Variants in PTPRG observed in about 807,000 individuals in gnomAD.
PTPRG encodes protein tyrosine phosphatase receptor type G.
A neutral mutation model predicts 165.3 loss-of-function variants in PTPRG; 102 were observed. The ratio of observed to expected loss-of-function variants is 0.62; its 90% CI spans 0.53 to 0.73. PTPRG has a LOEUF of 0.73. Among genes scored for constraint, PTPRG ranks in the 30% least tolerant of loss-of-function variants. The pLI is 0.00. For synonymous variants in PTPRG, 675 were observed against 669.5 expected, an observed-to-expected ratio of 1.01 and a Z score of -0.13; for missense variants, 1,866 against 1,861.4, an observed-to-expected ratio of 1.00 and a Z score of -0.05.
intron 5 of PTPRG, among the ~76,000 whole-genome samples, chr3:62,113,139 A>G (rs1354846999): frequency 1.3e-5 from 2 of 152,198 alleles, no homozygotes; most frequent in Admixed American, 6.5e-5. Flanking sequence ...GGATGAGGCC[A>G]GGCTCCCAGA....
At chr3:61,647,599 G>A (rs1169811914) in intron 1 of PTPRG, among the ~76,000 whole-genome samples, 1 of 151,966 alleles carries the variant, frequency 6.6e-6, no homozygotes, top group Non-Finnish European at 1.5e-5. Flanking sequence ...GACCATCCTG[G>A]CTAACACAGT....
chr3:61,866,284 T>C (rs2037405599), intron 2 of PTPRG, among the ~76,000 whole-genome samples: 1 of 152,180 alleles, frequency 6.6e-6, no homozygotes, highest in South Asian at 2.1e-4. Flanking sequence ...CTGATACAGA[T>C]GATTTCATTT....
intron 2 of PTPRG, among the ~76,000 whole-genome samples, chr3:61,882,124 T>G (rs1175286351): frequency 3.3e-5 from 5 of 152,212 alleles, no homozygotes; most frequent in Non-Finnish European, 4.4e-5. Flanking sequence ...TTTCATCTTC[T>G]GAGAACAAAA....
At chr3:61,888,682 G>T (rs574155697) in intron 2 of PTPRG, among the ~76,000 whole-genome samples, 1 of 152,308 alleles carries the variant, frequency 6.6e-6, no homozygotes, top group South Asian at 2.1e-4. Context: ...GAATTGAGGA[G>T]TTCAGTGTTG....
intron 2 of PTPRG, among the ~76,000 whole-genome samples, chr3:61,904,910 C>CT (rs5849449): frequency 0.13 from 19,711 of 146,290 alleles, 1,819 homozygotes; most frequent in East Asian, 0.53. Context: ...ATTGGAAAGC[C>CT]TTTTTTTTTT....
chr3:61,569,354 A>G (rs546537986), intron 1 of PTPRG, among the ~76,000 whole-genome samples: 1 of 152,116 alleles, frequency 6.6e-6, no homozygotes, highest in Admixed American at 6.5e-5. Flanking sequence ...TCCTCTGTGA[A>G]ATGGGGTGGT....
intron 2 of PTPRG, among the ~76,000 whole-genome samples, chr3:61,946,939 A>G (rs767004075): frequency 2.6e-5 from 4 of 152,220 alleles, no homozygotes; most frequent in African/African-American, 4.8e-5. Flanking sequence ...GAGAAATGAC[A>G]GCTCTTATTA....
chr3:62,157,609 T>C (rs1704588804), intron 7 of PTPRG, among the ~76,000 whole-genome samples: 1 of 152,202 alleles, frequency 6.6e-6, no homozygotes, highest in Non-Finnish European at 1.5e-5. Flanking sequence ...TAGATGCTAT[T>C]TGTACCCCCA....
At chr3:62,110,089 C>CTTTTTTTTTTTTTTTTT (rs371457716) in intron 5 of PTPRG, among the ~76,000 whole-genome samples, 5 of 79,962 alleles carry the variant, frequency 6.3e-5, no homozygotes, top group Non-Finnish European at 9.1e-5. Flanking sequence ...GAAATAATGG[C>CTTTTTTTTTTTTTTTTT]TTTTTTTTTT....
intron 2 of PTPRG, among the ~76,000 whole-genome samples, chr3:61,943,119 G>A (rs1469990792): frequency 1.3e-5 from 2 of 152,050 alleles, no homozygotes; most frequent in African/African-American, 4.8e-5. Context: ...TTTTCCTGAT[G>A]TTCAGGTACC....
intron 4 of PTPRG, among the ~76,000 whole-genome samples, chr3:62,010,668 T>A (rs1023578443): frequency 5.9e-5 from 9 of 152,052 alleles, no homozygotes; most frequent in African/African-American, 9.7e-5. Context: ...TAAAATAAAA[T>A]AAAAAATAAA....
chr3:62,130,822 A>G (rs918510180), intron 5 of PTPRG, among the ~76,000 whole-genome samples: 15 of 152,156 alleles, frequency 9.9e-5, no homozygotes, highest in African/African-American at 3.6e-4. Flanking sequence ...CCTTTCAAGA[A>G]TGTTTCACGC....
At chr3:61,804,607 C>T (rs946053724) in intron 2 of PTPRG, among the ~76,000 whole-genome samples, 7 of 151,164 alleles carry the variant, frequency 4.6e-5, no homozygotes, top group African/African-American at 1.5e-4. Flanking sequence ...TTGTTAACTT[C>T]ACTTGGTCCT....
chr3:61,640,944 C>T (rs1254889481), intron 1 of PTPRG, among the ~76,000 whole-genome samples: 1 of 152,044 alleles, frequency 6.6e-6, no homozygotes, highest in Non-Finnish European at 1.5e-5. Flanking sequence ...GCATGGTGCC[C>T]CTTGCTGTTT....
At chr3:62,100,285 G>T (rs1053881969) in intron 5 of PTPRG, among the ~76,000 whole-genome samples, 2 of 152,132 alleles carry the variant, frequency 1.3e-5, no homozygotes, top group Non-Finnish European at 2.9e-5. Context: ...GACCTGTGTG[G>T]TGGGAATTGG....
chr3:62,267,592 AC>A, intron 18 of PTPRG, 92 bp from the exon 19 acceptor site: 1 of 1,537,304 alleles, frequency 6.5e-7, no homozygotes, highest in East Asian at 2.3e-5. Flanking sequence ...TTCACTAAAA[AC>A]AAAGCCCATT....
intron 1 of PTPRG, chr3:61,659,401 T>A (rs1046587542): frequency 1.0e-6 from 1 of 985,250 alleles, no homozygotes; most frequent in Non-Finnish European, 1.2e-6. Context: ...AAGAAGATAG[T>A]TTGATGAGGC....
chr3:61,968,208 A>T (rs1174318461), intron 2 of PTPRG, among the ~76,000 whole-genome samples: 1 of 152,170 alleles, frequency 6.6e-6, no homozygotes, highest in African/African-American at 2.4e-5. Context: ...TTATTTTGTC[A>T]AGTGTGGTGT....
intron 1 of PTPRG, among the ~76,000 whole-genome samples, chr3:61,586,769 T>C (rs1016159760): frequency 2.0e-5 from 3 of 152,232 alleles, no homozygotes; most frequent in African/African-American, 7.2e-5. Context: ...AACAATCTAC[T>C]TGGCTTCTTT....
Sources: allele counts gnomAD v4.1 joint callset (sites outside exome capture counted in the v4.1 genomes callset), GRCh38; gene constraint gnomAD v4.1.1; transcripts MANE v1.5; gene names NCBI Gene and HGNC (gene_info 2026-07-23, HGNC 2026-07-21).